Variants in DNAH14 observed in about 807,000 individuals in gnomAD.
DNAH14 encodes axonemal beta dynein heavy chain 14.
Under a neutral mutation model 520.9 loss-of-function variants are expected in DNAH14, and 478 were observed. That is an observed-to-expected ratio of 0.92 (90% CI 0.85 to 0.99). DNAH14 has a LOEUF of 0.99. Among genes scored for constraint, DNAH14 ranks in the 50% least tolerant of loss-of-function variants. The probability of loss-of-function intolerance (pLI) is 0.00; values close to 1 mark genes in which losing one functional copy is unlikely to be tolerated. For synonymous variants in DNAH14, 1,581 were observed against 1,757.2 expected (o/e 0.90, Z 2.51); for missense variants, 4,831 against 5,234.5 (o/e 0.92, Z 2.38).
chr1:225,106,063 T>G (rs899505868), intron 23 of DNAH14, among the ~76,000 whole-genome samples: 38 of 145,136 alleles, frequency 2.6e-4, no homozygotes, highest in African/African-American at 1.1e-3. Context: ...AGGAGCACTT[T>G]TAGGGCAGGC....
Position 225,399,238 on chromosome 1 carries a change from T to C in DNAH14, c.13823T>C (p.Val4608Ala). The C allele has an allele frequency of 6.4e-7, 1 of 1,551,474 alleles. No individual in the cohort carries two copies. The highest frequency in any genetic ancestry group is 8.7e-7 in the Non-Finnish European group (1 of 1,146,796). The part of the protein sequence containing the change: ...KPPSHWITMR[V>A]ALLCEKNEK ...CCTAGTCACTGGATCACAATGCGGG[T>C]TGCATTGCTTTGTGAGAAGAATGAA... The change falls in exon 86 of 86, where the codon GTT (valine) becomes GCT (alanine). Residue 4608 changes from valine (V) to alanine (A), a missense_variant. Val to Ala is a moderately conservative substitution (Grantham distance 64). Coordinates refer to ENST00000682510, the MANE Select transcript of DNAH14 (RefSeq NM_001367479.1).
intron 23 of DNAH14, among the ~76,000 whole-genome samples, chr1:225,102,140 G>GTT (rs1282134431): frequency 6.7e-6 from 1 of 149,586 alleles, no homozygotes; most frequent in African/African-American, 2.5e-5. Flanking sequence ...AACATGCGGT[G>GTT]TTTGGTTTTT....
At chr1:224,986,343 A>T (rs1572257824) in intron 8 of DNAH14, among the ~76,000 whole-genome samples, 1 of 150,944 alleles carries the variant, frequency 6.6e-6, no homozygotes, top group Non-Finnish European at 1.5e-5. Context: ...AAAAAAGAAA[A>T]CTACAGGCCA....
Position 225,389,699 on chromosome 1 carries a change from C to T in DNAH14, c.13191-35C>T, listed in dbSNP as rs775252812. 38 of 1,549,562 alleles carry T rather than the reference C, an allele frequency of 2.5e-5. No homozygotes were observed. In the South Asian group the frequency reaches 4.2e-4, roughly 17 times the overall value. On this transcript the variant is annotated intron_variant, in intron 82 of 85. Coordinates refer to ENST00000682510, the MANE Select transcript of DNAH14 (RefSeq NM_001367479.1). ...ACCCAAAGGTGTGCAATTATTATGC[C>T]CTTAACCCCCAACCTGTGGTCTGCC...
chr1:225,328,796 G>C (rs77060572), intron 64 of DNAH14, among the ~76,000 whole-genome samples: 1 of 152,084 alleles, frequency 6.6e-6, no homozygotes, highest in South Asian at 2.1e-4. Flanking sequence ...TCACTAGGTC[G>C]TAAGTAACAG....
At chr1:225,022,958 G>A (rs540480285) in intron 10 of DNAH14, among the ~76,000 whole-genome samples, 1 of 152,248 alleles carries the variant, frequency 6.6e-6, no homozygotes, top group African/African-American at 2.4e-5. Flanking sequence ...GATGCAGCTG[G>A]AGGTCATTAT....
In DNAH14 at chr1:225,097,102, GT is replaced by G. The variant is rs1391705735; in HGVS notation, c.3574-11del. On this transcript the variant is annotated splice_polypyrimidine_tract_variant and intron_variant, in intron 21 of 85. Transcript: ENST00000682510. Reference sequence around the variant, plus strand: ...TATATTTAGATTTGTATGTGTATATGTTTTTATCATTGTAGGATCTTGTGAA... The same window carrying G: ...TATATTTAGATTTGTATGTGTATATGTTTTATCATTGTAGGATCTTGTGAA... 2.0e-6 allele frequency: 3 copies of G among 1,534,238 alleles called. No individual in the cohort carries two copies. The highest frequency in any genetic ancestry group is 2.8e-5 in the African/African-American group (2 of 72,364).
intron 52 of DNAH14, among the ~76,000 whole-genome samples, chr1:225,274,621 C>T (rs189474924): frequency 8.5e-5 from 13 of 152,276 alleles, no homozygotes; most frequent in Admixed American, 8.5e-4. Flanking sequence ...TCCCAAACTC[C>T]CTATAAATGC....
chr1:225,194,130 A>G (rs1012473720), intron 38 of DNAH14, among the ~76,000 whole-genome samples: 10 of 152,166 alleles, frequency 6.6e-5, no homozygotes, highest in African/African-American at 2.2e-4. Context: ...GCGCAAAGCA[A>G]TTACAGACTT....
intron 3 of DNAH14, 52 bp from the exon 4 acceptor site, chr1:224,960,101 T>A: frequency 6.8e-7 from 1 of 1,470,602 alleles, no homozygotes; most frequent in South Asian, 1.4e-5. Flanking sequence ...ATTACTATGG[T>A]ATTATTTACA....
intron 8 of DNAH14, among the ~76,000 whole-genome samples, chr1:224,981,793 G>A (rs2125698851): frequency 6.6e-6 from 1 of 152,130 alleles, no homozygotes; most frequent in South Asian, 2.1e-4. Flanking sequence ...CTTTCGTTTA[G>A]TTCTGCTCTG....
intron 35 of DNAH14, among the ~76,000 whole-genome samples, chr1:225,162,013 C>T (rs1433738078): frequency 1.3e-5 from 2 of 152,082 alleles, no homozygotes; most frequent in South Asian, 2.1e-4. Flanking sequence ...TAACTTCATG[C>T]GATTCCATTT....
chr1:225,305,014 C>G lies in DNAH14; in HGVS notation c.8930C>G (p.Pro2977Arg). The G allele has an allele frequency of 6.5e-7, 1 of 1,545,900 alleles. No homozygotes were observed. Among genetic ancestry groups the G allele is most frequent in the African/African-American group, 1.4e-5 (1 of 72,774 alleles). Reference protein sequence around the residue: ...EETGRFYYTTPNSYLQFMETF... With the variant: ...EETGRFYYTTRNSYLQFMETF... ...ACTGGAAGATTTTATTATACCACTC[C>G]CAATAGCTACTTGCAATTTATGGAA... The change falls in exon 58 of 86, where the codon CCC (proline) becomes CGC (arginine). Residue 2977 changes from proline to arginine, a missense_variant. By Grantham distance (103) the Pro-to-Arg change is moderately radical. Coordinates refer to ENST00000682510, the MANE Select transcript of DNAH14 (RefSeq NM_001367479.1).
intron 8 of DNAH14, among the ~76,000 whole-genome samples, chr1:224,979,117 T>TCC (rs1030498920): frequency 7.9e-5 from 12 of 152,114 alleles, no homozygotes; most frequent in Non-Finnish European, 1.5e-4. Flanking sequence ...TGATCATACC[T>TCC]CCTGCAGGAA....
chr1:224,956,932 G>A (rs2060552858), intron 3 of DNAH14, among the ~76,000 whole-genome samples: 1 of 152,132 alleles, frequency 6.6e-6, no homozygotes, highest in Non-Finnish European at 1.5e-5. Flanking sequence ...AGAAATATAA[G>A]GCTAGATAGG....
intron 84 of DNAH14, among the ~76,000 whole-genome samples, chr1:225,394,747 G>A (rs2095980191): frequency 6.6e-6 from 1 of 152,042 alleles, no homozygotes; most frequent in Admixed American, 6.6e-5. Context: ...GGGAGGCTGA[G>A]GCAGGAGTAT....
chr1:225,265,291 T>G lies in DNAH14; in HGVS notation c.7332T>G (p.Ala2444=). ...STINFSTNVT[A]AKTKEMILKK... is the part of the protein sequence containing the mutation. The stretch of plus-strand genomic sequence containing the variant: ...TAAATTTTAGCACCAATGTAACAGC[T>G]GCCAAAACCAAGGAGATGATTCTTA... The change falls in exon 48 of 86, where the codon GCT becomes GCG. Residue 2444 remains alanine (A), a synonymous_variant. Transcript: ENST00000682510. The G allele has an allele frequency of 6.5e-7, 1 of 1,544,890 alleles. No individual in the cohort carries two copies. Among genetic ancestry groups the G allele is most frequent in the East Asian group, 2.5e-5 (1 of 40,730 alleles).
At chr1:225,398,749 C>T in intron 85 of DNAH14, 83 bp downstream of exon 85, 1 of 1,477,536 alleles carries the variant, frequency 6.8e-7, no homozygotes, top group Non-Finnish European at 9.0e-7. Flanking sequence ...TTCCCATTCC[C>T]TACAATTTTG....
At chr1:225,380,737 G>C (rs146635714) in intron 80 of DNAH14, among the ~76,000 whole-genome samples, 1 of 152,348 alleles carries the variant, frequency 6.6e-6, no homozygotes, top group Non-Finnish European at 1.5e-5. Context: ...CAGGAAGACA[G>C]AGGAAGCCTG....
Sources: allele counts gnomAD v4.1 joint callset (sites outside exome capture counted in the v4.1 genomes callset), GRCh38; gene constraint gnomAD v4.1.1; transcripts MANE v1.5; gene names NCBI Gene and HGNC (gene_info 2026-07-23, HGNC 2026-07-21).